Variants in SLCO3A1 observed in about 807,000 individuals in gnomAD.
The protein encoded by SLCO3A1 is PGE1 transporter.
Under a neutral mutation model 63.1 loss-of-function variants are expected in SLCO3A1, and 27 were observed. That is an observed-to-expected ratio of 0.43 (90% confidence interval 0.32 to 0.59). The LOEUF (loss-of-function observed/expected upper bound fraction) is 0.59. Among genes scored for constraint, SLCO3A1 ranks in the 20% least tolerant of loss-of-function variants. The pLI is 0.09. For synonymous variants in SLCO3A1, 473 were observed against 409.9 expected (o/e 1.15, Z -1.86); for missense variants, 773 against 945.8 (o/e 0.82, Z 2.40).
intron 2 of SLCO3A1, among the ~76,000 whole-genome samples, chr15:91,977,993 A>G (rs761275119): frequency 8.5e-5 from 13 of 152,208 alleles, no homozygotes; most frequent in Non-Finnish European, 1.8e-4. Context: ...CAGTAAACAC[A>G]GAGTATTGAC....
chr15:92,045,014 ATGT>A (rs1345979456), intron 2 of SLCO3A1, among the ~76,000 whole-genome samples: 1 of 152,092 alleles, frequency 6.6e-6, no homozygotes, highest in Non-Finnish European at 1.5e-5. Flanking sequence ...TAATTAAAAC[ATGT>A]TGTCTGTAAT....
chr15:92,071,506 C>T (rs1568211), intron 2 of SLCO3A1, among the ~76,000 whole-genome samples: 118,651 of 152,146 alleles, frequency 0.78, 46,467 homozygotes, highest in Admixed American at 0.88. Flanking sequence ...AAAAAACACA[C>T]GTCAGAAATG....
intron 2 of SLCO3A1, among the ~76,000 whole-genome samples, chr15:92,023,846 G>A (rs1453284078): frequency 6.6e-6 from 1 of 152,218 alleles, no homozygotes; most frequent in Non-Finnish European, 1.5e-5. Flanking sequence ...TCATTCTGAA[G>A]AGCTGGATCC....
chr15:91,854,391 C>T lies in SLCO3A1; in HGVS notation c.180+303C>T, dbSNP rs1896858511. 1 of 1,053,824 alleles carries T rather than the reference C, an allele frequency of 9.5e-7. No homozygotes were observed. The highest frequency in any genetic ancestry group is 1.7e-5 in the African/African-American group (1 of 59,062). The allele number at this position is 1,053,824 out of a possible 1,614,324, so 65.3% of individuals were successfully genotyped here. ...GGGCGTGAAACTATTCCTCTCCCCC[C>T]ATAAGAGCGGAGCGAGACGGTGAGT... On this transcript the variant is annotated intron_variant, in intron 1 of 9. Transcript: ENST00000318445. The surrounding 1 kb of genome is among the most constrained non-coding windows in gnomAD (Gnocchi z 6.4).
chr15:92,125,999 CCTGTCTGTAGA>C lies in SLCO3A1; in HGVS notation c.1175-58_1175-48del, dbSNP rs2151565846. ...GACTCAGCCTCAGGCCTGCTGCCCG[CCTGTCTGTAGA>C]CTGGCCCCACCTTCCCTGTTCACAG... On this transcript the variant is annotated intron_variant, in intron 5 of 9. Transcript: ENST00000318445. 4 of 1,457,298 alleles carry C rather than the reference CCTGTCTGTAGA, an allele frequency of 2.7e-6. No individual in the cohort carries two copies. The East Asian group carries it at 9.1e-5, about 33-fold the overall frequency. The allele number at this position is 1,457,298 out of a possible 1,614,324, so 90.3% of individuals were successfully genotyped here. A position where few individuals can be genotyped will look rare whatever the true frequency, so the allele number is the denominator to read the frequency against.
chr15:92,086,937 C>G (rs1002710798), intron 2 of SLCO3A1, among the ~76,000 whole-genome samples: 1 of 148,698 alleles, frequency 6.7e-6, no homozygotes, highest in African/African-American at 2.5e-5. Context: ...GAGCTGAGAT[C>G]AAGTCACTTC....
rs963722263 is a variant in SLCO3A1, at chr15:92,163,561, A to T, written c.*426A>T. Reference sequence around the variant, plus strand: ...TTTCCTAAAATAAAAAAAATTAAAAAAAAAAAACCCACAAGTTGAAAACAT... The same window carrying T: ...TTTCCTAAAATAAAAAAAATTAAAATAAAAAAACCCACAAGTTGAAAACAT... On this transcript the variant is annotated 3_prime_UTR_variant, in exon 10 of 10. Coordinates refer to ENST00000318445, the MANE Select transcript of SLCO3A1 (RefSeq NM_013272.4). 104 of 984,428 alleles carry T rather than the reference A, an allele frequency of 1.1e-4. No individual in the cohort carries two copies. The highest frequency in any genetic ancestry group is 1.2e-4 in the Non-Finnish European group (99 of 829,184). The allele number at this position is 984,428 out of a possible 1,614,324, so 61.0% of individuals were successfully genotyped here. A position where few individuals can be genotyped will look rare whatever the true frequency, so the allele number is the denominator to read the frequency against.
At chr15:91,955,138 G>T (rs993188614) in intron 2 of SLCO3A1, among the ~76,000 whole-genome samples, 7 of 152,054 alleles carry the variant, frequency 4.6e-5, no homozygotes, top group Non-Finnish European at 1.0e-4. Flanking sequence ...AGTCTTCACC[G>T]CACCCCTGTG....
intron 7 of SLCO3A1, among the ~76,000 whole-genome samples, chr15:92,134,313 T>G (rs1039206724): frequency 1.4e-4 from 21 of 152,250 alleles, no homozygotes; most frequent in Non-Finnish European, 3.1e-4. Flanking sequence ...GACTTGTGAC[T>G]ATTCTGAAAT....
chr15:91,871,754 G>GTTTTTTTTGGTTTTTTTTTTTTTTTT (rs1897283285), intron 1 of SLCO3A1, among the ~76,000 whole-genome samples: 2 of 63,594 alleles, frequency 3.1e-5, no homozygotes, highest in African/African-American at 5.6e-5. Flanking sequence ...TGCTCATTTT[G>GTTTTTTTTGGTTTTTTTTTTTTTTTT]TTTTTTTTTG....
chr15:92,082,638 T>C (rs1458915407), intron 2 of SLCO3A1, among the ~76,000 whole-genome samples: 1 of 152,244 alleles, frequency 6.6e-6, no homozygotes, highest in Non-Finnish European at 1.5e-5. Context: ...AAGCTTCTAT[T>C]CATGCCAGAT....
At chr15:92,130,821 C>G in intron 7 of SLCO3A1, among the ~76,000 whole-genome samples, 1 of 146,094 alleles carries the variant, frequency 6.8e-6, no homozygotes. Flanking sequence ...GGCTATATTC[C>G]TGGTATGTGT....
At chr15:92,014,291 G>A (rs948605870) in intron 2 of SLCO3A1, among the ~76,000 whole-genome samples, 4 of 152,150 alleles carry the variant, frequency 2.6e-5, no homozygotes, top group South Asian at 2.1e-4. Context: ...GTGCAACTCC[G>A]GTTCAAGCCA....
At chr15:91,921,896 C>CT (rs963749090) in intron 2 of SLCO3A1, among the ~76,000 whole-genome samples, 46 of 148,194 alleles carry the variant, frequency 3.1e-4, no homozygotes, top group Non-Finnish European at 4.8e-4. Flanking sequence ...CACCCGGTTA[C>CT]TTTTTTTTTT....
At chr15:91,935,609 T>C (rs976029264) in intron 2 of SLCO3A1, among the ~76,000 whole-genome samples, 5 of 152,148 alleles carry the variant, frequency 3.3e-5, no homozygotes, top group African/African-American at 1.2e-4. Context: ...GCCTCAGCTT[T>C]TTCCTCTCTT....
At chr15:92,149,864 CTATT>C (rs980553997) in intron 8 of SLCO3A1, 5 of 152,188 alleles carry the variant, frequency 3.3e-5, no homozygotes, top group African/African-American at 9.7e-5. Flanking sequence ...GAATTTGTCT[CTATT>C]TATGTGTCTG....
chr15:91,903,816 G>A (rs1421977351), intron 1 of SLCO3A1, among the ~76,000 whole-genome samples: 3 of 152,188 alleles, frequency 2.0e-5, no homozygotes, highest in Non-Finnish European at 4.4e-5. Context: ...CCGAGCAAAT[G>A]GGGACTTTCT....
chr15:91,959,520 G>A (rs1567039045), intron 2 of SLCO3A1, among the ~76,000 whole-genome samples: 3 of 151,784 alleles, frequency 2.0e-5, no homozygotes, highest in East Asian at 1.9e-4. Flanking sequence ...GCCTGAGGTC[G>A]GGAATTTGAG....
intron 2 of SLCO3A1, among the ~76,000 whole-genome samples, chr15:92,086,549 C>T (rs1038114930): frequency 2.6e-5 from 4 of 152,118 alleles, no homozygotes; most frequent in South Asian, 4.1e-4. Context: ...ATGTGTTGCA[C>T]ATGTATTTTC....
Sources: allele counts gnomAD v4.1 joint callset (sites outside exome capture counted in the v4.1 genomes callset), GRCh38; gene constraint gnomAD v4.1.1; non-coding constraint Gnocchi (gnomAD v3.1); transcripts MANE v1.5; gene names NCBI Gene and HGNC (gene_info 2026-07-23, HGNC 2026-07-21).